Variants in BRAF observed in about 807,000 individuals in gnomAD.
The protein encoded by BRAF is serine/threonine-protein kinase B-raf.
Under a neutral mutation model 104.6 loss-of-function variants are expected in BRAF, and 16 were observed. That is an observed-to-expected ratio of 0.15 (90% CI 0.10 to 0.23). BRAF has a LOEUF of 0.23. Ranked by LOEUF, BRAF falls within the 10% of genes least tolerant of loss-of-function variation. The probability of loss-of-function intolerance (pLI) is 1.00; values close to 1 mark genes in which losing one functional copy is unlikely to be tolerated. For missense variants in BRAF, 541 were observed against 937.3 expected (o/e 0.58, Z 5.52); for synonymous variants, 310 against 341.6 (o/e 0.91, Z 1.02).
At chr7:140,898,156 C>T (rs1815177602) in intron 1 of BRAF, among the ~76,000 whole-genome samples, 1 of 152,212 alleles carries the variant, frequency 6.6e-6, no homozygotes, top group East Asian at 1.9e-4. Context: ...CACACTACTG[C>T]ACTCCAGCCT....
chr7:140,827,070 T>C (rs1397879803), intron 3 of BRAF, among the ~76,000 whole-genome samples: 1 of 152,182 alleles, frequency 6.6e-6, no homozygotes, highest in Non-Finnish European at 1.5e-5. Flanking sequence ...TGCTTACCTT[T>C]TTCCTCTATC....
intron 1 of BRAF, among the ~76,000 whole-genome samples, chr7:140,914,390 G>A (rs535088154): frequency 6.6e-6 from 1 of 152,254 alleles, no homozygotes; most frequent in South Asian, 2.1e-4. Flanking sequence ...GGCATGTGCA[G>A]GAAGAATATG....
At chr7:140,847,880 AGTGT>A (rs1006421549) in intron 2 of BRAF, among the ~76,000 whole-genome samples, 2 of 152,102 alleles carry the variant, frequency 1.3e-5, no homozygotes, top group African/African-American at 4.8e-5. Flanking sequence ...TGCTGCCTTC[AGTGT>A]GTGTGTATGT....
At chr7:140,843,727 T>C (rs2129068985) in intron 2 of BRAF, among the ~76,000 whole-genome samples, 1 of 152,284 alleles carries the variant, frequency 6.6e-6, no homozygotes, top group East Asian at 1.9e-4. Context: ...ATTTCTGGGC[T>C]GGGCACAGTG....
At chr7:140,856,175 T>C (rs1809757829) in intron 1 of BRAF, among the ~76,000 whole-genome samples, 1 of 150,788 alleles carries the variant, frequency 6.6e-6, no homozygotes, top group Non-Finnish European at 1.5e-5. Flanking sequence ...AGTAACATAA[T>C]ACTTAATAGG....
intron 1 of BRAF, among the ~76,000 whole-genome samples, chr7:140,922,484 A>G (rs1009674244): frequency 3.9e-5 from 6 of 152,212 alleles, no homozygotes; most frequent in African/African-American, 7.2e-5. Context: ...AACGGTTCTA[A>G]TAACTCTGCA....
rs1008713081 is a variant in BRAF, at chr7:140,804,782, T to G, written c.711+3178A>C. 2.0e-5 allele frequency among the ~76,000 whole-genome samples: 3 copies of G among 152,218 alleles called. No homozygotes were observed. The South Asian group carries it at 6.2e-4, about 32-fold the overall frequency. Reference sequence around the variant, plus strand: ...TTTTTTATGATACATTAAATAGATTTCAACATCAAAAGTCTACTTTTCTTT... The same window carrying G: ...TTTTTTATGATACATTAAATAGATTGCAACATCAAAAGTCTACTTTTCTTT... On this transcript the variant is annotated intron_variant, in intron 5 of 19. Transcript: ENST00000644969.
At chr7:140,893,479 G>A (rs933614477) in intron 1 of BRAF, among the ~76,000 whole-genome samples, 1 of 151,956 alleles carries the variant, frequency 6.6e-6, no homozygotes, top group Non-Finnish European at 1.5e-5. Flanking sequence ...TCGATCTCTT[G>A]ACCTCGTGAT....
At chr7:140,764,548 C>A (rs1799114856) in intron 14 of BRAF, among the ~76,000 whole-genome samples, 1 of 151,516 alleles carries the variant, frequency 6.6e-6, no homozygotes, top group African/African-American at 2.4e-5. Context: ...TCTAGAAAAC[C>A]CCACTGTCTC....
intron 1 of BRAF, among the ~76,000 whole-genome samples, chr7:140,861,032 A>G (rs1489916107): frequency 6.6e-6 from 1 of 152,228 alleles, no homozygotes; most frequent in Non-Finnish European, 1.5e-5. Context: ...ATACATCTCA[A>G]AAACATAATA....
rs545164077 is a variant in BRAF, at chr7:140,735,996, T to A, written c.2248-1226A>T. ...AATAAAAATTAAAATACTATAGAAA[T>A]GTATAAAGAGTATAAGGCTCTCAAA... On this transcript the variant is annotated intron_variant, in intron 18 of 19. Transcript: ENST00000644969. 2.0e-5 allele frequency among the ~76,000 whole-genome samples: 3 copies of A among 151,790 alleles called. No individual in the cohort carries two copies. The South Asian group carries it at 6.2e-4, about 32-fold the overall frequency.
the BRAF span, among the ~76,000 whole-genome samples, chr7:140,713,769 C>T: frequency 0.028 from 4,330 of 152,160 alleles, 204 homozygotes; most frequent in African/African-American, 0.096. Context: ...ATGATGGTGA[C>T]GTACATATGG....
chr7:140,893,038 C>T (rs955122902), intron 1 of BRAF, among the ~76,000 whole-genome samples: 10 of 152,164 alleles, frequency 6.6e-5, no homozygotes, highest in African/African-American at 1.9e-4. Context: ...CAGCCTCACC[C>T]ATCTCCTGCC....
Position 140,808,082 on chromosome 7 carries a change from G to A in BRAF, c.609-20C>T. ...TTCTCTCTGAAAAATGTAGACACAA[G>A]CCTTTCTTGGTTATTACACCTAAAA... On this transcript the variant is annotated intron_variant, in intron 4 of 19. Coordinates refer to ENST00000644969, the MANE Select transcript of BRAF (RefSeq NM_001374258.1). The A allele has an allele frequency of 1.3e-6, 2 of 1,569,776 alleles. No individual in the cohort carries two copies. Among genetic ancestry groups the A allele is most frequent in the Non-Finnish European group, 1.8e-6 (2 of 1,140,172 alleles).
chr7:140,824,927 T>G (rs10261295), intron 3 of BRAF, among the ~76,000 whole-genome samples: 1 of 152,058 alleles, frequency 6.6e-6, no homozygotes, highest in Non-Finnish European at 1.5e-5. Flanking sequence ...ATATCTTTGA[T>G]GAAACTGTTC....
chr7:140,846,763 G>T (rs1808593143), intron 2 of BRAF, among the ~76,000 whole-genome samples: 1 of 152,124 alleles, frequency 6.6e-6, no homozygotes. Flanking sequence ...GTGGGTCTCA[G>T]TGAGTAATCA....
chr7:140,803,956 C>T (rs1803390871), intron 5 of BRAF, among the ~76,000 whole-genome samples: 1 of 152,106 alleles, frequency 6.6e-6, no homozygotes, highest in Non-Finnish European at 1.5e-5. Context: ...AGGATCTCGG[C>T]CCACTGCAAC....
At chr7:140,734,232 C>T in intron 19 of BRAF, 1 of 1,152,112 alleles carries the variant, frequency 8.7e-7, no homozygotes, top group Non-Finnish European at 1.1e-6. Context: ...TAGGTAGGGT[C>T]TTCTTCTGGA....
chr7:140,851,442 T>C (rs1048082282), intron 1 of BRAF, among the ~76,000 whole-genome samples: 3 of 151,908 alleles, frequency 2.0e-5, no homozygotes, highest in African/African-American at 4.8e-5. Flanking sequence ...GGGAAATAAA[T>C]GAAAAAAAAG....
Sources: allele counts gnomAD v4.1 joint callset (sites outside exome capture counted in the v4.1 genomes callset), GRCh38; gene constraint gnomAD v4.1.1; transcripts MANE v1.5; gene names NCBI Gene and HGNC (gene_info 2026-07-23, HGNC 2026-07-21).